The following ZMAT3 variants were observed in gnomAD, a reference collection of about 807,000 sequenced individuals.
ZMAT3 encodes zinc finger matrin-type 3, also known as zinc finger matrin-type protein 3.
ZMAT3 carries 17 observed loss-of-function variants against 32.3 expected under a neutral mutation model. The observed-to-expected ratio is 0.53, with a 90% confidence interval of 0.36 to 0.79. ZMAT3 has a LOEUF of 0.79. ZMAT3 is among the 30% of genes least tolerant of loss of function. The pLI is 0.00. For synonymous variants in ZMAT3, 120 were observed against 133.1 expected, an observed-to-expected ratio of 0.90 and a Z score of 0.68; for missense variants, 329 against 359.7, an observed-to-expected ratio of 0.91 and a Z score of 0.69.
At chr3:179,064,803 T>C (rs533016981) in intron 2 of ZMAT3, among the ~76,000 whole-genome samples, 55 of 152,326 alleles carry the variant, frequency 3.6e-4, no homozygotes, top group Admixed American at 1.7e-3. Context: ...ATGCATCTTT[T>C]TGGCTAACAT....
At position 179,052,417 on chromosome 3, in the gene ZMAT3, G is replaced by C. The variant is rs147384909; in HGVS notation, c.270+15066C>G. Among the ~76,000 whole-genome samples, 315 of 152,306 alleles carry C rather than the reference G, an allele frequency of 2.1e-3. 3 individuals carry two copies. Among genetic ancestry groups the C allele is most frequent in the African/African-American group, 7.1e-3 (295 of 41,546 alleles). ...AAATGCTCAACATCACTAATTATCA[G>C]AGAAATGTAAATCGAAACTACAACA... On this transcript the variant is annotated intron_variant, in intron 2 of 5. Transcript: ENST00000311417.
intron 4 of ZMAT3, 50 bp from the exon 5 acceptor site, chr3:179,027,573 T>C (rs1375463755): frequency 6.2e-7 from 1 of 1,613,792 alleles, no homozygotes; most frequent in Non-Finnish European, 8.5e-7. Context: ...CAAGAATCCC[T>C]TTCTACTCTT....
rs753592538 is a variant in ZMAT3 at position 179,025,020 on chromosome 3, T to A, written c.867A>T (p.Val289=). The A allele has an allele frequency of 3.7e-6, 6 of 1,613,888 alleles. No individual in the cohort carries two copies. The highest frequency in any genetic ancestry group is 5.1e-6 in the Non-Finnish European group (6 of 1,179,762). The change falls in exon 6 of 6, where the codon GTA becomes GTT. Residue 289 remains valine (V), a synonymous_variant. Transcript: ENST00000311417. ...CTCTATCTTAATATGATAATCACTA[T>A]ACATATCCCAGATTCTCCATCTCAT... ...YRNEMENLGY[V]
intron 2 of ZMAT3, among the ~76,000 whole-genome samples, chr3:179,031,482 T>C (rs947605430): frequency 6.6e-6 from 1 of 152,320 alleles, no homozygotes; most frequent in African/African-American, 2.4e-5. Flanking sequence ...CAGACTACTA[T>C]AGTGCTAGAT....
At chr3:179,030,535 T>C (rs1031777718) in intron 3 of ZMAT3, among the ~76,000 whole-genome samples, 9 of 152,056 alleles carry the variant, frequency 5.9e-5, no homozygotes, top group South Asian at 4.2e-4. Flanking sequence ...TCTGTATTTT[T>C]AATTGGGACA....
intron 2 of ZMAT3, among the ~76,000 whole-genome samples, chr3:179,038,195 A>G (rs993871756): frequency 3.3e-5 from 5 of 152,218 alleles, no homozygotes; most frequent in African/African-American, 1.2e-4. Flanking sequence ...TCCCTTTCAG[A>G]TGTCCAAAGA....
rs1333246113 is a variant in ZMAT3 at position 179,046,326 on chromosome 3, T to C, written c.271-15327A>G. On this transcript the variant is annotated intron_variant, in intron 2 of 5. Transcript: ENST00000311417. The surrounding 1 kb of genome is among the most constrained non-coding windows in gnomAD (Gnocchi z 4.3). ...TCAAGCAGATATTGCATCCACAACA[T>C]AATGATACTAATGGCAACTAAGAAA... Among the ~76,000 whole-genome samples, 1 of 152,102 alleles carries C rather than the reference T, an allele frequency of 6.6e-6. No individual in the cohort carries two copies. Among genetic ancestry groups the C allele is most frequent in the Non-Finnish European group, 1.5e-5 (1 of 68,004 alleles).
At chr3:179,050,132 C>T (rs773335151) in intron 2 of ZMAT3, among the ~76,000 whole-genome samples, 1 of 147,078 alleles carries the variant, frequency 6.8e-6, no homozygotes, top group Non-Finnish European at 1.5e-5. Context: ...AAGATCAGAA[C>T]AGAACTAAAT....
chr3:179,028,300 G>GA (rs976412849), intron 3 of ZMAT3, among the ~76,000 whole-genome samples: 9 of 152,098 alleles, frequency 5.9e-5, no homozygotes, highest in Admixed American at 3.3e-4. Context: ...ATATAATCCG[G>GA]AAAAAAATTA....
At chr3:179,026,748 G>A (rs1022887197) in intron 5 of ZMAT3, among the ~76,000 whole-genome samples, 24 of 152,128 alleles carry the variant, frequency 1.6e-4, no homozygotes, top group African/African-American at 5.5e-4. Context: ...AGTTAGCTCT[G>A]TTTTCTATTT....
rs994992630 is a variant in ZMAT3, at chr3:179,019,643, C to T, written c.*5374G>A. On this transcript the variant is annotated 3_prime_UTR_variant, in exon 6 of 6. Transcript: ENST00000311417. ...CTATAATAAAATCAGTCTAGCAGGGCGTTTCTAAGATTCTAAGTAGTCAGG... is the reference window on the plus strand; with the variant it reads ...CTATAATAAAATCAGTCTAGCAGGGTGTTTCTAAGATTCTAAGTAGTCAGG... 1.3e-5 allele frequency: 2 copies of T among 151,992 alleles called. No homozygotes were observed. The highest frequency in any genetic ancestry group is 2.1e-4 in the South Asian group (1 of 4,818). 9.4% of individuals were successfully genotyped at this position (151,992 alleles called of 1,614,324 possible). A position where few individuals can be genotyped will look rare whatever the true frequency, so the allele number is the denominator to read the frequency against.
chr3:179,032,690 C>T (rs1288622006), intron 2 of ZMAT3, among the ~76,000 whole-genome samples: 3 of 151,158 alleles, frequency 2.0e-5, no homozygotes, highest in African/African-American at 7.3e-5. Flanking sequence ...TCTGCCCCAC[C>T]ACCACCCCAT....
At chr3:179,053,158 ATAAAAT>A (rs2108572497) in intron 2 of ZMAT3, among the ~76,000 whole-genome samples, 1 of 151,652 alleles carries the variant, frequency 6.6e-6, no homozygotes, top group East Asian at 1.9e-4. Flanking sequence ...ATCAAAATAA[ATAAAAT>A]TAGAATATAG....
intron 2 of ZMAT3, 85 bp from the exon 3 acceptor site, chr3:179,031,084 CA>C (rs2108541102): frequency 4.1e-6 from 5 of 1,217,466 alleles, no homozygotes; most frequent in Admixed American, 2.8e-5. Flanking sequence ...AACTGTGGTC[CA>C]AAAATATTAA....
At chr3:179,037,510 G>C (rs754332050) in intron 2 of ZMAT3, among the ~76,000 whole-genome samples, 7 of 152,156 alleles carry the variant, frequency 4.6e-5, no homozygotes, top group African/African-American at 7.2e-5. Context: ...CACAAGCCGA[G>C]CACAGCCTGC....
At chr3:179,037,789 C>T (rs969112239) in intron 2 of ZMAT3, among the ~76,000 whole-genome samples, 1 of 152,190 alleles carries the variant, frequency 6.6e-6, no homozygotes, top group Non-Finnish European at 1.5e-5. Flanking sequence ...GAATCTACAA[C>T]TCTGGCGGAA....
intron 2 of ZMAT3, among the ~76,000 whole-genome samples, chr3:179,040,901 CAAAA>C (rs55945452): frequency 1.4e-4 from 19 of 131,548 alleles, no homozygotes; most frequent in Non-Finnish European, 1.5e-4. Flanking sequence ...AAATGGAAAG[CAAAA>C]AAAAAAAAAA....
At chr3:179,069,515 C>T (rs1187773803) in intron 1 of ZMAT3, among the ~76,000 whole-genome samples, 1 of 152,136 alleles carries the variant, frequency 6.6e-6, no homozygotes, top group East Asian at 1.9e-4. Flanking sequence ...TAGAATATGG[C>T]TATTTTAAGC....
Position 179,067,744 on chromosome 3 carries a change from G to C in ZMAT3, c.9C>G (p.Leu3=), listed in dbSNP as rs1481804124. 1.2e-6 allele frequency: 2 copies of C among 1,614,054 alleles called. No individual in the cohort carries two copies. The highest frequency in any genetic ancestry group is 8.5e-7 in the Non-Finnish European group (1 of 1,179,984). The change falls in exon 2 of 6, where the codon CTC becomes CTG. Residue 3 remains leucine (L), a synonymous_variant. Coordinates refer to ENST00000311417, the MANE Select transcript of ZMAT3 (RefSeq NM_022470.4). MI[L]LQHAVLPPPK... ...GTGGAGGAAGCACGGCGTGTTGCAA[G>C]AGGATCATTGGGTAGGGAAGCCTGG... is the stretch of plus-strand genomic sequence containing the variant.
Sources: allele counts gnomAD v4.1 joint callset (sites outside exome capture counted in the v4.1 genomes callset), GRCh38; gene constraint gnomAD v4.1.1; non-coding constraint Gnocchi (gnomAD v3.1); transcripts MANE v1.5; gene names NCBI Gene and HGNC (gene_info 2026-07-23, HGNC 2026-07-21).